Variants in VPS37A observed in about 807,000 individuals in gnomAD.
VPS37A encodes the protein VPS37A subunit of ESCRT-I.
A neutral mutation model predicts 49.8 loss-of-function variants in VPS37A; 30 were observed. The observed-to-expected ratio is 0.60, with a 90% CI of 0.45 to 0.82. The LOEUF is 0.82. Ranked by LOEUF, VPS37A falls within the 40% of genes least tolerant of loss-of-function variation. The pLI is 0.00. For synonymous variants in VPS37A, 195 were observed against 160.6 expected (o/e 1.21, Z -1.62); for missense variants, 593 against 464.4 (o/e 1.28, Z -2.55).
the VPS37A span, chr8:17,311,908 C>T: frequency 2.7e-6 from 1 of 364,210 alleles, no homozygotes; most frequent in Non-Finnish European, 5.0e-6. Context: ...AGCATTCGTC[C>T]TATGCAAACG....
chr8:17,326,594 A>C, the VPS37A span: 64,651 of 151,590 alleles, frequency 0.43, 14,146 homozygotes, highest in South Asian at 0.62. Flanking sequence ...AAGACAATTT[A>C]AAAGTGTAAT....
intron 1 of VPS37A, among the ~76,000 whole-genome samples, chr8:17,262,813 A>T (rs1455652279): frequency 1.3e-5 from 2 of 152,170 alleles, no homozygotes; most frequent in Admixed American, 6.5e-5. Context: ...CTGTAATCCT[A>T]GCACTTTGGG....
At chr8:17,282,732 C>A (rs1039185016) in intron 9 of VPS37A, among the ~76,000 whole-genome samples, 3 of 151,900 alleles carry the variant, frequency 2.0e-5, no homozygotes, top group South Asian at 2.1e-4. Context: ...ACTCTTCAAA[C>A]ACTTAAAAAA....
At chr8:17,308,073 A>G in the VPS37A span, among the ~76,000 whole-genome samples, 3 of 151,756 alleles carry the variant, frequency 2.0e-5, no homozygotes, top group African/African-American at 7.3e-5. Flanking sequence ...AATGAGGAAG[A>G]AAAAAATAAT....
At chr8:17,292,303 T>A (rs923744587) in intron 11 of VPS37A, among the ~76,000 whole-genome samples, 2 of 152,324 alleles carry the variant, frequency 1.3e-5, no homozygotes, top group Admixed American at 1.3e-4. Flanking sequence ...TGCTTTTTTT[T>A]ACTTTCCATT....
At chr8:17,280,673 C>A (rs1435932790) in intron 9 of VPS37A, among the ~76,000 whole-genome samples, 1 of 151,906 alleles carries the variant, frequency 6.6e-6, no homozygotes, top group East Asian at 1.9e-4. Context: ...ATGACAGGCC[C>A]TGACACATAA....
At chr8:17,316,157 C>T in the VPS37A span, among the ~76,000 whole-genome samples, 15 of 152,126 alleles carry the variant, frequency 9.9e-5, no homozygotes, top group African/African-American at 3.6e-4. Context: ...ATTACTTAGC[C>T]TCTCTGTCCT....
chr8:17,308,975 T>G, the VPS37A span, among the ~76,000 whole-genome samples: 1 of 152,190 alleles, frequency 6.6e-6, no homozygotes, highest in Non-Finnish European at 1.5e-5. Flanking sequence ...ATGGAATAAT[T>G]TAGTAAGTCA....
chr8:17,255,520 A>G (rs1206186059), intron 1 of VPS37A, among the ~76,000 whole-genome samples: 1 of 151,938 alleles, frequency 6.6e-6, no homozygotes, highest in East Asian at 1.9e-4. Flanking sequence ...ATGTGTATAT[A>G]TGTGTGTATA....
the VPS37A span, chr8:17,311,438 A>T: frequency 6.3e-7 from 1 of 1,597,062 alleles, no homozygotes. Context: ...AGCAGTTGCC[A>T]GTAGTTGTAA....
chr8:17,303,825 G>C (rs940957414), downstream of VPS37A, among the ~76,000 whole-genome samples: 1 of 152,102 alleles, frequency 6.6e-6, no homozygotes, highest in Non-Finnish European at 1.5e-5. Flanking sequence ...GGCCAGGCTT[G>C]TCTTGAACTC....
At chr8:17,249,789 C>T (rs199630360) in intron 1 of VPS37A, among the ~76,000 whole-genome samples, 2 of 152,152 alleles carry the variant, frequency 1.3e-5, no homozygotes, top group Non-Finnish European at 2.9e-5. Context: ...AAGCGAAAAG[C>T]ATAACAGATT....
chr8:17,258,629 G>C (rs1254343606), intron 1 of VPS37A, among the ~76,000 whole-genome samples: 1 of 151,976 alleles, frequency 6.6e-6, no homozygotes, highest in African/African-American at 2.4e-5. Context: ...GGGTGATGCT[G>C]ATCTTGTAGA....
intron 11 of VPS37A, among the ~76,000 whole-genome samples, chr8:17,290,435 A>G (rs1339138932): frequency 2.0e-5 from 3 of 152,100 alleles, no homozygotes; most frequent in Admixed American, 2.0e-4. Flanking sequence ...TCTATGAGAT[A>G]ATTGTGGTTT....
chr8:17,288,300 C>G (rs1367737772), intron 11 of VPS37A, among the ~76,000 whole-genome samples: 3 of 152,138 alleles, frequency 2.0e-5, no homozygotes, highest in Non-Finnish European at 4.4e-5. Flanking sequence ...TATACATGTG[C>G]CATGATGGTT....
chr8:17,304,807 G>C (rs142556570), downstream of VPS37A, among the ~76,000 whole-genome samples: 153 of 148,546 alleles, frequency 1.0e-3, 1 homozygote, highest in African/African-American at 3.6e-3. Flanking sequence ...CCCCCAAATA[G>C]TCATTGGACA....
At chr8:17,304,304 T>C, downstream of VPS37A, 1 of 1,525,810 alleles carries the variant, frequency 6.6e-7, no homozygotes. Flanking sequence ...GTCATACACT[T>C]TGACCTCTGA....
the VPS37A span, among the ~76,000 whole-genome samples, chr8:17,312,356 C>T: frequency 6.6e-6 from 1 of 152,058 alleles, no homozygotes; most frequent in Non-Finnish European, 1.5e-5. Context: ...GGGTGGATCA[C>T]CTGAGGTCAG....
chr8:17,277,853 C>G (rs1814660214), intron 6 of VPS37A, among the ~76,000 whole-genome samples: 1 of 138,570 alleles, frequency 7.2e-6, no homozygotes, highest in South Asian at 2.4e-4. Flanking sequence ...CCCAACTTTT[C>G]TCTTTTATAC....
Sources: allele counts gnomAD v4.1 joint callset (sites outside exome capture counted in the v4.1 genomes callset), GRCh38; gene constraint gnomAD v4.1.1; transcripts MANE v1.5; gene names NCBI Gene and HGNC (gene_info 2026-07-23, HGNC 2026-07-21).